ATXN1: variants seen among roughly 807,000 people sequenced by gnomAD.
ATXN1 encodes ataxin 1.
A neutral mutation model predicts 56.4 loss-of-function variants in ATXN1; 8 were observed. That is an observed-to-expected ratio of 0.14 (90% confidence interval 0.08 to 0.26). ATXN1 has a LOEUF of 0.26. Among genes scored for constraint, ATXN1 ranks in the 10% least tolerant of loss-of-function variants. The probability of loss-of-function intolerance (pLI) is 1.00; values close to 1 mark genes in which losing one functional copy is unlikely to be tolerated. For missense variants in ATXN1, 987 were observed against 1,106.5 expected (o/e 0.89, Z 1.53); for synonymous variants, 514 against 494.6 (o/e 1.04, Z -0.52).
intron 4 of ATXN1, among the ~76,000 whole-genome samples, chr6:16,528,314 A>G (rs985583437): frequency 7.2e-5 from 11 of 152,062 alleles, no homozygotes; most frequent in Admixed American, 1.3e-4. Flanking sequence ...AAAAAAAAAA[A>G]AAAGAAAAAC....
At chr6:16,752,780 A>G (rs1322788686) in intron 2 of ATXN1, among the ~76,000 whole-genome samples, 3 of 152,198 alleles carry the variant, frequency 2.0e-5, no homozygotes, top group Non-Finnish European at 4.4e-5. Context: ...TAAAATCCAA[A>G]CAGACACAAA....
chr6:16,686,813 A>G (rs1270108131), intron 2 of ATXN1, among the ~76,000 whole-genome samples: 1 of 152,240 alleles, frequency 6.6e-6, no homozygotes, highest in Non-Finnish European at 1.5e-5. Flanking sequence ...AGAAATATTT[A>G]CTGAGAACCT....
chr6:16,576,204 T>C (rs898449463), intron 4 of ATXN1, among the ~76,000 whole-genome samples: 1 of 152,190 alleles, frequency 6.6e-6, no homozygotes, highest in African/African-American at 2.4e-5. Context: ...ATAAGGAATA[T>C]CATCAGAGAA....
chr6:16,377,417 A>G lies in ATXN1; in HGVS notation c.-160-48947T>C, dbSNP rs547984582. 3.3e-5 allele frequency among the ~76,000 whole-genome samples: 5 copies of G among 152,300 alleles called. No individual in the cohort carries two copies. In the South Asian group the frequency reaches 6.2e-4, roughly 19 times the overall value. ...GCCTGCTTTTCTGTGTGAAGAATGT[A>G]CAGAGTTTGAAAAGATCCTTCTTCT... is the stretch of plus-strand genomic sequence containing the variant. On this transcript the variant is annotated intron_variant, in intron 6 of 7. Transcript: ENST00000436367.
chr6:16,335,921 T>C (rs1211098504), intron 6 of ATXN1, among the ~76,000 whole-genome samples: 1 of 152,246 alleles, frequency 6.6e-6, no homozygotes, highest in Non-Finnish European at 1.5e-5. Context: ...GAAGGGAACA[T>C]GGCTCCACCA....
chr6:16,340,614 T>C (rs1761224676), intron 6 of ATXN1, among the ~76,000 whole-genome samples: 1 of 152,242 alleles, frequency 6.6e-6, no homozygotes, highest in East Asian at 1.9e-4. Context: ...GAGGGTGGTC[T>C]GGGAAACCCC....
intron 5 of ATXN1, among the ~76,000 whole-genome samples, chr6:16,491,340 A>G (rs1314118536): frequency 6.8e-6 from 1 of 148,054 alleles, no homozygotes; most frequent in African/African-American, 2.5e-5. Flanking sequence ...GCTGGAGTGC[A>G]ATGGCGCAAT....
chr6:16,758,127 C>T (rs1019647731), intron 1 of ATXN1, among the ~76,000 whole-genome samples: 1 of 152,240 alleles, frequency 6.6e-6, no homozygotes, highest in Non-Finnish European at 1.5e-5. Context: ...TGTCTGCCTA[C>T]TGTCAGTACC....
rs955697089 is a variant in ATXN1 at position 16,328,738 on chromosome 6, G to A, written c.-160-268C>T. ...ATCCTGGCTAACATGGTGAAACCCCGTCTCTACCAAAAATAAAAAATAAAA... is the reference window on the plus strand; with the variant it reads ...ATCCTGGCTAACATGGTGAAACCCCATCTCTACCAAAAATAAAAAATAAAA... On this transcript the variant is annotated intron_variant, in intron 6 of 7. Transcript: ENST00000436367. This position sits in a 1 kb window ranked among gnomAD's most constrained non-coding sequence, Gnocchi z 6.2. 3.9e-5 allele frequency among the ~76,000 whole-genome samples: 6 copies of A among 152,032 alleles called. No individual in the cohort carries two copies. The highest frequency in any genetic ancestry group is 1.9e-4 in the East Asian group (1 of 5,188).
intron 2 of ATXN1, among the ~76,000 whole-genome samples, chr6:16,705,286 T>C (rs1759382543): frequency 6.6e-6 from 1 of 152,210 alleles, no homozygotes; most frequent in African/African-American, 2.4e-5. Context: ...GAAAGAGATA[T>C]AAGGATACCT....
At chr6:16,537,917 T>A (rs1257535674) in intron 4 of ATXN1, among the ~76,000 whole-genome samples, 4 of 151,626 alleles carry the variant, frequency 2.6e-5, no homozygotes, top group Non-Finnish European at 5.9e-5. Context: ...AGCCTGGCCA[T>A]CATGGTGATA....
chr6:16,724,389 G>T (rs1345657007), intron 2 of ATXN1, among the ~76,000 whole-genome samples: 1 of 152,020 alleles, frequency 6.6e-6, no homozygotes, highest in Non-Finnish European at 1.5e-5. Context: ...AGCATGTATG[G>T]TCATGGAAGA....
chr6:16,663,038 T>C (rs1019918491), intron 2 of ATXN1, among the ~76,000 whole-genome samples: 6 of 147,420 alleles, frequency 4.1e-5, no homozygotes, highest in Non-Finnish European at 7.4e-5. Flanking sequence ...AATGGTGCAA[T>C]GTCGGCTCGC....
intron 3 of ATXN1, among the ~76,000 whole-genome samples, chr6:16,593,915 A>T (rs956557121): frequency 6.8e-6 from 1 of 147,796 alleles, no homozygotes; most frequent in Admixed American, 6.8e-5. Flanking sequence ...TATATATATT[A>T]GTCTGGAGAG....
chr6:16,511,451 T>G (rs1348807160), intron 5 of ATXN1, among the ~76,000 whole-genome samples: 1 of 152,152 alleles, frequency 6.6e-6, no homozygotes, highest in Admixed American at 6.5e-5. Context: ...CAATAGACAT[T>G]TAAGGGAATA....
At chr6:16,462,162 C>T (rs950821294) in intron 6 of ATXN1, among the ~76,000 whole-genome samples, 1 of 152,214 alleles carries the variant, frequency 6.6e-6, no homozygotes, top group Non-Finnish European at 1.5e-5. Flanking sequence ...TCCTCCTCAT[C>T]TATGGATTCC....
intron 7 of ATXN1, among the ~76,000 whole-genome samples, chr6:16,319,053 C>CA (rs1307423284): frequency 6.6e-6 from 1 of 151,482 alleles, no homozygotes; most frequent in African/African-American, 2.4e-5. Context: ...CCCGTCTCTA[C>CA]AAAAAAATAG....
chr6:16,596,328 G>C (rs1762813688), intron 3 of ATXN1, among the ~76,000 whole-genome samples: 3 of 152,126 alleles, frequency 2.0e-5, no homozygotes, highest in African/African-American at 4.8e-5. Flanking sequence ...CCAAAGCCTG[G>C]TAAACAAAGT....
At chr6:16,638,869 C>A (rs1763648615) in intron 3 of ATXN1, among the ~76,000 whole-genome samples, 1 of 152,150 alleles carries the variant, frequency 6.6e-6, no homozygotes, top group African/African-American at 2.4e-5. Flanking sequence ...AAGCAAGTAG[C>A]CCAGATTAAT....
Sources: allele counts gnomAD v4.1 joint callset (sites outside exome capture counted in the v4.1 genomes callset), GRCh38; gene constraint gnomAD v4.1.1; non-coding constraint Gnocchi (gnomAD v3.1); transcripts MANE v1.5; gene names NCBI Gene and HGNC (gene_info 2026-07-23, HGNC 2026-07-21).